E2F1: variants seen among roughly 807,000 people sequenced by gnomAD.
E2F1 encodes the protein E2F transcription factor 1.
A neutral mutation model predicts 36.9 loss-of-function variants in E2F1; 7 were observed. The ratio of observed to expected loss-of-function variants is 0.19; its 90% CI spans 0.11 to 0.36. The LOEUF (loss-of-function observed/expected upper bound fraction) is 0.36. Ranked by LOEUF, E2F1 falls within the 10% of genes least tolerant of loss-of-function variation. E2F1 has a pLI of 1.00. For synonymous variants in E2F1, 261 were observed against 263.1 expected (o/e 0.99, Z 0.08); for missense variants, 406 against 573.6 (o/e 0.71, Z 2.99).
chr20:33,686,184 C>A lies in E2F1; in HGVS notation c.81G>T (p.Leu27=). The change falls in exon 1 of 7, where the codon CTG becomes CTT. Residue 27 remains leucine, a synonymous_variant. Transcript: ENST00000343380. The part of the protein sequence containing the change: ...EALLGAGALR[L]LDSSQIVIIS... ...TGATGACGATCTGCGAGGAGTCGAG[C>A]AGCCGCAGCGCGCCGGCCCCGAGCA... The A allele has an allele frequency of 3.8e-6, 4 of 1,047,914 alleles. No individual in the cohort carries two copies. The highest frequency in any genetic ancestry group is 4.6e-6 in the Non-Finnish European group (4 of 871,730). 64.9% of individuals were successfully genotyped at this position (1,047,914 alleles called of 1,614,324 possible).
At chr20:33,685,450 C>T (rs927347215) in intron 1 of E2F1, among the ~76,000 whole-genome samples, 1 of 152,120 alleles carries the variant, frequency 6.6e-6, no homozygotes, top group Non-Finnish European at 1.5e-5. Flanking sequence ...AACGGTTAGG[C>T]CCCAGGACTT....
At chr20:33,682,069 C>T (rs934518595) in intron 1 of E2F1, among the ~76,000 whole-genome samples, 9 of 151,468 alleles carry the variant, frequency 5.9e-5, no homozygotes, top group East Asian at 2.0e-4. Flanking sequence ...ACCTCTTCTC[C>T]CTCTGAACTG....
Position 33,676,748 on chromosome 20 carries a change from G to C in E2F1, c.1298C>G (p.Thr433Ser). ...DLFDCDFGDL[T>S]PLDF ...CAAGCCCTGTCAGAAATCCAGGGGG[G>C]TGAGGTCCCCAAAGTCACAGTCGAA... Residue 433 changes from threonine (T) to serine (S), a missense_variant, in exon 7 of 7, where the codon ACC becomes AGC. Transcript: ENST00000343380. 1 of 1,609,280 alleles carries C rather than the reference G, an allele frequency of 6.2e-7. No individual in the cohort carries two copies. The highest frequency in any genetic ancestry group is 8.5e-7 in the Non-Finnish European group (1 of 1,177,908).
rs1441224538 is a variant in E2F1 at position 33,679,392 on chromosome 20, A to C, written c.572+363T>G. The stretch of plus-strand genomic sequence containing the variant: ...AACCCCATTTCTACTACAAATACAA[A>C]AAGTAGCTGGGCATGGTGGCAGGCG... On this transcript the variant is annotated intron_variant, in intron 3 of 6. Transcript: ENST00000343380. This position sits in a 1 kb window ranked among gnomAD's most constrained non-coding sequence, Gnocchi z 4.6. Among the ~76,000 whole-genome samples, 1 of 152,194 alleles carries C rather than the reference A, an allele frequency of 6.6e-6. No individual in the cohort carries two copies. The highest frequency in any genetic ancestry group is 6.5e-5 in the Admixed American group (1 of 15,288).
rs1396615518 is a variant in E2F1 at position 33,679,213 on chromosome 20, T to G, written c.572+542A>C. Among the ~76,000 whole-genome samples, 5 of 152,234 alleles carry G rather than the reference T, an allele frequency of 3.3e-5. No individual in the cohort carries two copies. The highest frequency in any genetic ancestry group is 1.2e-4 in the African/African-American group (5 of 41,466). On this transcript the variant is annotated intron_variant, in intron 3 of 6. Coordinates refer to ENST00000343380, the MANE Select transcript of E2F1 (RefSeq NM_005225.3). This position sits in a 1 kb window ranked among gnomAD's most constrained non-coding sequence, Gnocchi z 4.6. ...CCTTCTAGGGTGTTGAAAATGCTCT[T>G]ATCTTGATCTGAATGGTGGCAACCC... is the stretch of plus-strand genomic sequence containing the variant.
At chr20:33,678,155 G>C in intron 4 of E2F1, 46 bp downstream of exon 4, 1 of 1,569,814 alleles carries the variant, frequency 6.4e-7, no homozygotes, top group East Asian at 2.3e-5. Context: ...TGGAGCCCCT[G>C]CCTGCTAAGC....
chr20:33,682,603 A>G (rs559935378), intron 1 of E2F1, among the ~76,000 whole-genome samples: 1 of 152,288 alleles, frequency 6.6e-6, no homozygotes, highest in Admixed American at 6.5e-5. Flanking sequence ...CCACCCCTGA[A>G]GGCAGGTCAG....
At chr20:33,683,779 A>AAAAT (rs1030349119) in intron 1 of E2F1, among the ~76,000 whole-genome samples, 4 of 152,190 alleles carry the variant, frequency 2.6e-5, no homozygotes, top group African/African-American at 9.6e-5. Flanking sequence ...CTCCAAAAAA[A>AAAAT]AAATAAATAA....
rs900384841 is a variant in E2F1, at chr20:33,679,581, G to A, written c.572+174C>T. Among the ~76,000 whole-genome samples the A allele has an allele frequency of 1.3e-5, 2 of 152,176 alleles. No individual in the cohort carries two copies. The highest frequency in any genetic ancestry group is 4.8e-5 in the African/African-American group (2 of 41,442). On this transcript the variant is annotated intron_variant, in intron 3 of 6. Coordinates refer to ENST00000343380, the MANE Select transcript of E2F1 (RefSeq NM_005225.3). The surrounding 1 kb of genome is among the most constrained non-coding windows in gnomAD (Gnocchi z 4.6). Reference sequence around the variant, plus strand: ...GTAAAGCTGCAACTGAGGTGGATATGTAAGATTTGTGTGCTTTTTACCATC... The same window carrying A: ...GTAAAGCTGCAACTGAGGTGGATATATAAGATTTGTGTGCTTTTTACCATC...
chr20:33,683,045 C>T (rs1362257076), intron 1 of E2F1, among the ~76,000 whole-genome samples: 1 of 152,018 alleles, frequency 6.6e-6, no homozygotes, highest in East Asian at 1.9e-4. Flanking sequence ...ATTTTTAAAA[C>T]TTTAAAAAAC....
intron 1 of E2F1, among the ~76,000 whole-genome samples, 195 bp downstream of exon 1, chr20:33,685,809 G>A (rs986472186): frequency 6.6e-6 from 1 of 152,182 alleles, no homozygotes; most frequent in Non-Finnish European, 1.5e-5. Context: ...GCAGCAAACA[G>A]GGACCGGCCC....
intron 2 of E2F1, 141 bp from the exon 3 acceptor site, chr20:33,680,115 C>A: frequency 1.1e-6 from 1 of 919,242 alleles, no homozygotes; most frequent in Non-Finnish European, 1.7e-6. Context: ...CGAGGCCAAC[C>A]ACAGCATTCT....
At position 33,675,767 on chromosome 20, in the gene E2F1, G is replaced by T; in HGVS notation, c.*965C>A. 1 of 178,542 alleles carries T rather than the reference G, an allele frequency of 5.6e-6. No individual in the cohort carries two copies. The highest frequency in any genetic ancestry group is 1.2e-5 in the Non-Finnish European group (1 of 84,452). The allele number at this position is 178,542 out of a possible 1,614,324, so 11.1% of individuals were successfully genotyped here. ...AATCAAAGTGCAGATTGGAGGGTGG[G>T]GCAGAGCAGTGGGGAGGCAGGCGCT... is the stretch of plus-strand genomic sequence containing the variant. On this transcript the variant is annotated 3_prime_UTR_variant, in exon 7 of 7. Transcript: ENST00000343380.
Position 33,679,219 on chromosome 20 carries a change from G to A in E2F1, c.572+536C>T, listed in dbSNP as rs922989931. On this transcript the variant is annotated intron_variant, in intron 3 of 6. Coordinates refer to ENST00000343380, the MANE Select transcript of E2F1 (RefSeq NM_005225.3). This position sits in a 1 kb window ranked among gnomAD's most constrained non-coding sequence, Gnocchi z 4.6. ...AGGGTGTTGAAAATGCTCTTATCTT[G>A]ATCTGAATGGTGGCAACCCAGATGA... Among the ~76,000 whole-genome samples the A allele has an allele frequency of 3.3e-5, 5 of 152,212 alleles. No individual in the cohort carries two copies. The highest frequency in any genetic ancestry group is 3.3e-4 in the Admixed American group (5 of 15,286).
Position 33,677,109 on chromosome 20 carries a change from C to G in E2F1, c.1062G>C (p.Glu354Asp). Reference sequence around the variant, plus strand: ...ACCCACCTACCCATCACCCACCTTGCTCCAGGCTGAGTAGAGACTGGCTGG... The same window carrying G: ...ACCCACCTACCCATCACCCACCTTGGTCCAGGCTGAGTAGAGACTGGCTGG... ...TDPSQSLLSL[E>D]QEPLLSRMGS... The change falls in exon 6 of 7, where the codon GAG becomes GAC. Residue 354 changes from glutamate (E) to aspartate (D), a missense_variant. Physicochemically the swap from Glu to Asp is conservative, Grantham distance 45 (BLOSUM62 2). Transcript: ENST00000343380. The G allele has an allele frequency of 8.7e-6, 14 of 1,607,838 alleles. No individual in the cohort carries two copies. Among genetic ancestry groups the G allele is most frequent in the Non-Finnish European group, 1.1e-5 (13 of 1,177,036 alleles).
intron 6 of E2F1, 39 bp downstream of exon 6, chr20:33,677,066 G>C: frequency 6.3e-7 from 1 of 1,583,960 alleles, no homozygotes; most frequent in African/African-American, 1.3e-5. Flanking sequence ...CCCCAGAAGA[G>C]GGGCCCTGCC....
At chr20:33,678,000 T>C (rs1189534952) in intron 4 of E2F1, among the ~76,000 whole-genome samples, 1 of 152,192 alleles carries the variant, frequency 6.6e-6, no homozygotes, top group Non-Finnish European at 1.5e-5. Flanking sequence ...AATTGGATAT[T>C]ATTATTCCCC....
intron 1 of E2F1, 150 bp from the exon 2 acceptor site, chr20:33,680,566 C>T (rs2018008262): frequency 1.6e-6 from 1 of 643,350 alleles, no homozygotes; most frequent in Non-Finnish European, 2.7e-6. Context: ...GGGACATAGC[C>T]TGAGAGTCAC....
chr20:33,676,699 C>A lies in E2F1; in HGVS notation c.*33G>T. 6.4e-7 allele frequency: 1 copy of A among 1,567,988 alleles called. No homozygotes were observed. The highest frequency in any genetic ancestry group is 1.2e-5 in the South Asian group (1 of 84,452). On this transcript the variant is annotated 3_prime_UTR_variant, in exon 7 of 7. Transcript: ENST00000343380. ...TCCAGGGCTGCAGAGACAAGGTGAG[C>A]ATCTCTGGAAACCCTGGTCCCTCCA...
Sources: gnomAD v4.1 joint callset for allele counts (sites outside exome capture counted in the v4.1 genomes callset) on GRCh38, gnomAD v4.1.1 for gene constraint, Gnocchi (gnomAD v3.1) non-coding constraint, MANE v1.5 for transcripts, NCBI Gene and HGNC (gene_info 2026-07-23, HGNC 2026-07-21) for gene names.